MPPED1: variants seen among roughly 807,000 people sequenced by gnomAD.
MPPED1 encodes metallophosphoesterase domain-containing protein 1.
In MPPED1, 16 loss-of-function variants were observed where a neutral mutation model predicts 36.2. The ratio of observed to expected loss-of-function variants is 0.44; its 90% confidence interval spans 0.30 to 0.67. MPPED1 has a LOEUF of 0.67. Among genes scored for constraint, MPPED1 ranks in the 30% least tolerant of loss-of-function variants. MPPED1 has a pLI of 0.10. For missense variants in MPPED1, 307 were observed against 453.4 expected (o/e 0.68, Z 2.93); for synonymous variants, 199 against 191.3 (o/e 1.04, Z -0.33).
At chr22:43,444,506 A>G (rs149463852) in intron 3 of MPPED1, among the ~76,000 whole-genome samples, 4,090 of 151,276 alleles carry the variant, frequency 0.027, 180 homozygotes, top group African/African-American at 0.095. Context: ...AGCTGGGATT[A>G]CAGGAGCCAG....
chr22:43,414,509 C>T (rs1165941521), intron 1 of MPPED1, among the ~76,000 whole-genome samples: 1 of 152,144 alleles, frequency 6.6e-6, no homozygotes, highest in Non-Finnish European at 1.5e-5. Flanking sequence ...CAATTTCAGG[C>T]CTGTGAACTG....
chr22:43,506,745 TGG>T lies in MPPED1; in HGVS notation c.*1132_*1133del, dbSNP rs908629033. The T allele has an allele frequency of 6.6e-6, 1 of 151,322 alleles. No homozygotes were observed. The highest frequency in any genetic ancestry group is 2.4e-5 in the African/African-American group (1 of 41,068). 9.4% of individuals were successfully genotyped at this position (151,322 alleles called of 1,614,324 possible). On this transcript the variant is annotated 3_prime_UTR_variant, in exon 7 of 7. Transcript: ENST00000443721. ...TTCTTTGAATTAGGACTGGAGGGGGTGGGGCCAGGGCGGTGGTGGGAACCGGT... is the reference window on the plus strand; with the variant it reads ...TTCTTTGAATTAGGACTGGAGGGGGTGGCCAGGGCGGTGGTGGGAACCGGT...
chr22:43,434,593 C>A (rs1009072555), intron 2 of MPPED1, among the ~76,000 whole-genome samples: 3 of 152,190 alleles, frequency 2.0e-5, no homozygotes, highest in African/African-American at 7.2e-5. Flanking sequence ...CGTACGGCAC[C>A]GCTGTGATGC....
At chr22:43,480,416 T>A (rs1931713077) in intron 4 of MPPED1, among the ~76,000 whole-genome samples, 1 of 152,214 alleles carries the variant, frequency 6.6e-6, no homozygotes, top group Non-Finnish European at 1.5e-5. Flanking sequence ...TGGTGCAGTG[T>A]CTCTGGGTGG....
chr22:43,471,791 A>G (rs929923758), intron 3 of MPPED1, among the ~76,000 whole-genome samples: 1 of 152,040 alleles, frequency 6.6e-6, no homozygotes, highest in African/African-American at 2.4e-5. Context: ...GAGCTGGGGG[A>G]AGCAAACACG....
intron 3 of MPPED1, among the ~76,000 whole-genome samples, chr22:43,466,604 C>T (rs1025353040): frequency 5.9e-5 from 9 of 152,144 alleles, no homozygotes; most frequent in Non-Finnish European, 7.4e-5. Context: ...GATTGTCTCT[C>T]CCTGGGTTAA....
chr22:43,469,422 C>T (rs1035408323), intron 3 of MPPED1, among the ~76,000 whole-genome samples: 5 of 47,906 alleles, frequency 1.0e-4, no homozygotes, highest in South Asian at 7.5e-4. Flanking sequence ...ATTAAGCAAG[C>T]GAGCCTCTAA....
chr22:43,424,975 G>C lies in MPPED1; in HGVS notation c.-11G>C. 6.4e-7 allele frequency: 1 copy of C among 1,573,592 alleles called. No individual in the cohort carries two copies. Among genetic ancestry groups the C allele is most frequent in the South Asian group, 1.2e-5 (1 of 86,480 alleles). ...AGCGGTGGGAGATGCCGGGGCGGCC[G>C]GCGGAGGTCCATGTGGCGCTCTAGG... On this transcript the variant is annotated 5_prime_UTR_variant, in exon 2 of 7. Coordinates refer to ENST00000443721, the MANE Select transcript of MPPED1 (RefSeq NM_001044370.2).
intron 3 of MPPED1, among the ~76,000 whole-genome samples, chr22:43,442,483 AG>A (rs1288721740): frequency 2.0e-5 from 3 of 152,092 alleles, no homozygotes; most frequent in African/African-American, 4.8e-5. Context: ...CAGGACCTAA[AG>A]CTAGTACCTG....
intron 3 of MPPED1, among the ~76,000 whole-genome samples, chr22:43,473,981 G>T (rs564948921): frequency 2.0e-5 from 3 of 152,342 alleles, no homozygotes; most frequent in Non-Finnish European, 4.4e-5. Context: ...TGTATACATA[G>T]ACATTTTTGT....
intron 4 of MPPED1, among the ~76,000 whole-genome samples, chr22:43,495,485 G>GTGA (rs1156257824): frequency 3.1e-5 from 1 of 32,400 alleles, no homozygotes; most frequent in Non-Finnish European, 5.1e-5. Context: ...GGAGGTGGTG[G>GTGA]TGGAGGTAGT....
chr22:43,468,713 G>A (rs1010310845), intron 3 of MPPED1, among the ~76,000 whole-genome samples: 1 of 152,178 alleles, frequency 6.6e-6, no homozygotes, highest in African/African-American at 2.4e-5. Context: ...CCTCGCCAGG[G>A]TCTGGAACAC....
At chr22:43,462,823 C>A (rs1931000671) in intron 3 of MPPED1, among the ~76,000 whole-genome samples, 1 of 152,284 alleles carries the variant, frequency 6.6e-6, no homozygotes, top group African/African-American at 2.4e-5. Flanking sequence ...GCCATCATCT[C>A]CTTTCACCTT....
rs561773428 is a variant in MPPED1, at chr22:43,426,084, G to A, written c.224+875G>A. On this transcript the variant is annotated intron_variant, in intron 2 of 6. Coordinates refer to ENST00000443721, the MANE Select transcript of MPPED1 (RefSeq NM_001044370.2). Reference sequence around the variant, plus strand: ...TTTATCCCCATTGCTTCTCCCATGAGCCCTGCACGACAGAGCTTACCTGGT... The same window carrying A: ...TTTATCCCCATTGCTTCTCCCATGAACCCTGCACGACAGAGCTTACCTGGT... 2.6e-5 allele frequency among the ~76,000 whole-genome samples: 4 copies of A among 152,276 alleles called. No individual in the cohort carries two copies. In the South Asian group the frequency reaches 8.3e-4, roughly 32 times the overall value.
At position 43,437,053 on chromosome 22, in the gene MPPED1, C is replaced by A. The variant is rs184268772; in HGVS notation, c.406+1838C>A. Among the ~76,000 whole-genome samples, 15 of 152,332 alleles carry A rather than the reference C, an allele frequency of 9.8e-5. No individual in the cohort carries two copies. The East Asian group carries it at 2.9e-3, about 29-fold the overall frequency. ...CTGGAAGTGTTTGCAGATGTCAGGA[C>A]CCTCACTCAAGGAGGAATGGGCTTC... is the stretch of plus-strand genomic sequence containing the variant. On this transcript the variant is annotated intron_variant, in intron 3 of 6. Transcript: ENST00000443721.
chr22:43,467,230 T>C (rs1224394118), intron 3 of MPPED1, among the ~76,000 whole-genome samples: 2 of 152,216 alleles, frequency 1.3e-5, no homozygotes, highest in African/African-American at 2.4e-5. Flanking sequence ...ATCTCTGTCA[T>C]GGGGAGAATG....
intron 3 of MPPED1, among the ~76,000 whole-genome samples, chr22:43,472,981 G>T (rs1931427869): frequency 6.6e-6 from 1 of 152,232 alleles, no homozygotes; most frequent in Non-Finnish European, 1.5e-5. Context: ...GCTCTTCCTA[G>T]AGTGCTTCCT....
At chr22:43,480,105 C>T (rs1394280707) in intron 4 of MPPED1, among the ~76,000 whole-genome samples, 7 of 152,188 alleles carry the variant, frequency 4.6e-5, no homozygotes. Flanking sequence ...CTCAAGCAGT[C>T]CTCAGTGGGT....
intron 2 of MPPED1, among the ~76,000 whole-genome samples, chr22:43,427,052 C>A (rs1489818587): frequency 2.6e-5 from 4 of 152,166 alleles, no homozygotes; most frequent in Non-Finnish European, 5.9e-5. Flanking sequence ...AGCCTGAGGT[C>A]CCCGGAGGCC....
Sources: gnomAD v4.1 joint callset for allele counts (sites outside exome capture counted in the v4.1 genomes callset) on GRCh38, gnomAD v4.1.1 for gene constraint, MANE v1.5 for transcripts, NCBI Gene and HGNC (gene_info 2026-07-23, HGNC 2026-07-21) for gene names.